CNNM2: variants seen among roughly 807,000 people sequenced by gnomAD.
CNNM2 encodes the protein metal transporter CNNM2.
A neutral mutation model predicts 66.9 loss-of-function variants in CNNM2; 12 were observed. That is an observed-to-expected ratio of 0.18 (90% CI 0.11 to 0.29). The LOEUF is 0.29. CNNM2 is among the 10% of genes least tolerant of loss of function. The pLI, the probability that CNNM2 is intolerant of heterozygous loss-of-function variation, is 1.00. For synonymous variants in CNNM2, 557 were observed against 501.8 expected (o/e 1.11, Z -1.47); for missense variants, 705 against 1,167.7 (o/e 0.60, Z 5.77).
At chr10:102,934,407 A>G (rs1031510974) in intron 1 of CNNM2, among the ~76,000 whole-genome samples, 9 of 151,386 alleles carry the variant, frequency 5.9e-5, no homozygotes, top group African/African-American at 2.2e-4. Flanking sequence ...CAGCCTCCCA[A>G]GTAGCTGGGA....
At chr10:103,018,909 G>A (rs1004654004) in intron 1 of CNNM2, among the ~76,000 whole-genome samples, 1 of 150,258 alleles carries the variant, frequency 6.7e-6, no homozygotes, top group Non-Finnish European at 1.5e-5. Flanking sequence ...TACCACCTCA[G>A]CCTCCCAAAG....
At chr10:103,056,327 T>C (rs2065296193) in intron 3 of CNNM2, among the ~76,000 whole-genome samples, 1 of 152,186 alleles carries the variant, frequency 6.6e-6, no homozygotes, top group African/African-American at 2.4e-5. Context: ...CGACCCTCTT[T>C]GTTCCCCACA....
rs982667883 is a variant in CNNM2 at position 102,971,159 on chromosome 10, A to G, written c.1621+51058A>G. On this transcript the variant is annotated intron_variant, in intron 1 of 7. Coordinates refer to ENST00000369878, the MANE Select transcript of CNNM2 (RefSeq NM_017649.5). ...GGCTGCAGTGAGCTATGATTGTGCC[A>G]TTTACACAATCCAGCCTGGGTGACA... Among the ~76,000 whole-genome samples the G allele has an allele frequency of 2.7e-5, 4 of 148,428 alleles. No individual in the cohort carries two copies. The South Asian group carries it at 8.4e-4, about 31-fold the overall frequency.
chr10:103,039,233 T>C (rs1270347110), intron 1 of CNNM2, among the ~76,000 whole-genome samples: 3 of 152,050 alleles, frequency 2.0e-5, no homozygotes, highest in African/African-American at 7.2e-5. Context: ...AGCCTCTACC[T>C]CCCAGATTCA....
chr10:102,937,456 T>C (rs1846278479), intron 1 of CNNM2, among the ~76,000 whole-genome samples: 1 of 152,226 alleles, frequency 6.6e-6, no homozygotes. Context: ...AAGATACCTC[T>C]TATTTGGGGA....
At chr10:103,046,273 C>A (rs75987425) in intron 1 of CNNM2, among the ~76,000 whole-genome samples, 1 of 152,156 alleles carries the variant, frequency 6.6e-6, no homozygotes, top group Non-Finnish European at 1.5e-5. Flanking sequence ...CAGAACTGTT[C>A]GACTCATGTT....
At chr10:103,037,414 C>T (rs901603936) in intron 1 of CNNM2, among the ~76,000 whole-genome samples, 5 of 152,022 alleles carry the variant, frequency 3.3e-5, no homozygotes, top group South Asian at 4.2e-4. Context: ...CCACCATGAC[C>T]ACCATGTCTG....
intron 1 of CNNM2, among the ~76,000 whole-genome samples, chr10:103,013,290 G>A (rs996376238): frequency 6.6e-6 from 1 of 152,116 alleles, no homozygotes; most frequent in African/African-American, 2.4e-5. Flanking sequence ...TATAAAATGG[G>A]ATAAATAGTC....
intron 1 of CNNM2, among the ~76,000 whole-genome samples, chr10:102,945,693 A>G (rs931988577): frequency 2.0e-5 from 3 of 152,098 alleles, no homozygotes; most frequent in Non-Finnish European, 2.9e-5. Context: ...TAAGCATTAC[A>G]TGAGCTTAGC....
At chr10:102,924,805 G>A (rs1845793211) in intron 1 of CNNM2, among the ~76,000 whole-genome samples, 1 of 151,888 alleles carries the variant, frequency 6.6e-6, no homozygotes, top group Non-Finnish European at 1.5e-5. Context: ...AGGTATGAAT[G>A]GTGTCACCGG....
intron 1 of CNNM2, among the ~76,000 whole-genome samples, chr10:103,017,453 T>C (rs921478412): frequency 3.3e-5 from 5 of 152,126 alleles, no homozygotes; most frequent in Admixed American, 3.3e-4. Flanking sequence ...AGGTGGTATG[T>C]ATGGCAGAGA....
At chr10:102,957,786 G>A (rs1360612050) in intron 1 of CNNM2, among the ~76,000 whole-genome samples, 2 of 152,184 alleles carry the variant, frequency 1.3e-5, no homozygotes, top group East Asian at 3.9e-4. Context: ...GCCATTTTGA[G>A]CTATGTTAGG....
chr10:103,034,600 T>A (rs1252901449), intron 1 of CNNM2, among the ~76,000 whole-genome samples: 1 of 152,192 alleles, frequency 6.6e-6, no homozygotes, highest in Non-Finnish European at 1.5e-5. Flanking sequence ...TTAGCTTAGT[T>A]GAAATCAGTA....
intron 1 of CNNM2, among the ~76,000 whole-genome samples, chr10:102,994,371 A>T (rs553153406): frequency 2.6e-5 from 4 of 152,382 alleles, no homozygotes; most frequent in South Asian, 4.1e-4. Context: ...AGGGCTGAAG[A>T]AATAGATTTC....
chr10:103,061,041 A>C (rs963998025), intron 4 of CNNM2, among the ~76,000 whole-genome samples: 1 of 152,182 alleles, frequency 6.6e-6, no homozygotes, highest in African/African-American at 2.4e-5. Flanking sequence ...AGAAAATAGA[A>C]CTATAATTAT....
At chr10:102,935,985 GTTTT>G (rs956013694) in intron 1 of CNNM2, among the ~76,000 whole-genome samples, 1 of 148,718 alleles carries the variant, frequency 6.7e-6, no homozygotes, top group African/African-American at 2.5e-5. Context: ...ACTCTATGGT[GTTTT>G]TTTTTGTTTG....
At position 103,089,592 on chromosome 10, in the gene CNNM2, A is replaced by C; in HGVS notation, c.*12412A>C. The C allele has an allele frequency of 6.8e-7, 1 of 1,463,372 alleles. No individual in the cohort carries two copies. Among genetic ancestry groups the C allele is most frequent in the Non-Finnish European group, 9.0e-7 (1 of 1,106,600 alleles). 90.6% of individuals were successfully genotyped at this position (1,463,372 alleles called of 1,614,324 possible). A position where few individuals can be genotyped will look rare whatever the true frequency, so the allele number is the denominator to read the frequency against. On this transcript the variant is annotated 3_prime_UTR_variant, in exon 8 of 8. Coordinates refer to ENST00000369878, the MANE Select transcript of CNNM2 (RefSeq NM_017649.5). ...GAGCCCCCTCCCTCCCCCGAGTAGAACCCTAACAGGGACCTCGTTTGTTCC... is the reference window on the plus strand; with the variant it reads ...GAGCCCCCTCCCTCCCCCGAGTAGACCCCTAACAGGGACCTCGTTTGTTCC...
rs778819983 is a variant in CNNM2, at chr10:102,918,661, G to A, written c.181G>A (p.Gly61Ser). 1 of 1,549,924 alleles carries A rather than the reference G, an allele frequency of 6.5e-7. No individual in the cohort carries two copies. Among genetic ancestry groups the A allele is most frequent in the South Asian group, 1.2e-5 (1 of 83,874 alleles). The change falls in exon 1 of 8, where the codon GGC (glycine) becomes AGC (serine). Residue 61 changes from glycine (G) to serine (S), a missense_variant. By Grantham distance (56) the Gly-to-Ser change is moderately conservative (BLOSUM62 0). Coordinates refer to ENST00000369878, the MANE Select transcript of CNNM2 (RefSeq NM_017649.5). The surrounding 1 kb of genome is among the most constrained non-coding windows in gnomAD (Gnocchi z 4.1). ...CCTGCTGAGCTGCTGCTGCGGTGCG[G>A]GCGGCTGCGCAGCGGTGGGCGAGAA... ...LLLLSCCCGAGGCAAVGENEE... is the reference protein window; with the variant it reads ...LLLLSCCCGASGCAAVGENEE...
intron 1 of CNNM2, among the ~76,000 whole-genome samples, chr10:102,944,048 A>G (rs1846521348): frequency 6.7e-6 from 1 of 149,880 alleles, no homozygotes; most frequent in Non-Finnish European, 1.5e-5. Flanking sequence ...ACATTTCTTA[A>G]TTCTCTTTAA....
Sources: gnomAD v4.1 joint callset for allele counts (sites outside exome capture counted in the v4.1 genomes callset) on GRCh38, gnomAD v4.1.1 for gene constraint, Gnocchi (gnomAD v3.1) non-coding constraint, MANE v1.5 for transcripts, NCBI Gene and HGNC (gene_info 2026-07-23, HGNC 2026-07-21) for gene names.